The following GCNT1 variants were observed in gnomAD, a reference collection of about 807,000 sequenced individuals.
GCNT1 encodes beta-1,3-galactosyl-O-glycosyl-glycoprotein beta-1,6-N-acetylglucosaminyltransferase.
A neutral mutation model predicts 26.2 loss-of-function variants in GCNT1; 16 were observed. The observed-to-expected ratio is 0.61, with a 90% CI of 0.41 to 0.93. The LOEUF (loss-of-function observed/expected upper bound fraction) is 0.93. Ranked by LOEUF, GCNT1 falls within the 40% of genes least tolerant of loss-of-function variation. The probability of loss-of-function intolerance (pLI) is 0.00; values close to 1 mark genes in which losing one functional copy is unlikely to be tolerated. For missense variants in GCNT1, 477 were observed against 526.7 expected (o/e 0.91, Z 0.92); for synonymous variants, 183 against 190.8 (o/e 0.96, Z 0.34).
At chr9:76,485,222 G>A (rs1033463193) in intron 2 of GCNT1, among the ~76,000 whole-genome samples, 3 of 152,002 alleles carry the variant, frequency 2.0e-5, no homozygotes, top group African/African-American at 7.3e-5. Context: ...ACCCAGGCTG[G>A]AGTGCAGTGG....
At chr9:76,498,702 G>A (rs1470290071) in intron 2 of GCNT1, among the ~76,000 whole-genome samples, 1 of 150,910 alleles carries the variant, frequency 6.6e-6, no homozygotes, top group Non-Finnish European at 1.5e-5. Flanking sequence ...GAACCCGGGA[G>A]CCAGAGGTTG....
intron 2 of GCNT1, among the ~76,000 whole-genome samples, chr9:76,480,307 C>CT (rs1376195998): frequency 6.6e-6 from 1 of 151,978 alleles, no homozygotes; most frequent in Non-Finnish European, 1.5e-5. Flanking sequence ...CAGCTTTGTT[C>CT]TTTTGGCTTA....
chr9:76,403,200 C>A, the GCNT1 span, among the ~76,000 whole-genome samples: 1 of 152,142 alleles, frequency 6.6e-6, no homozygotes, highest in Non-Finnish European at 1.5e-5. Context: ...GGTATTCCTT[C>A]CTTCATCCAT....
chr9:76,498,456 A>G (rs1824967813), intron 2 of GCNT1, among the ~76,000 whole-genome samples: 1 of 152,108 alleles, frequency 6.6e-6, no homozygotes, highest in South Asian at 2.1e-4. Flanking sequence ...TGATGGTTCC[A>G]ATTTGTCCAC....
At position 76,481,193 on chromosome 9, in the gene GCNT1, A is replaced by G. The variant is rs557751998; in HGVS notation, c.-289-19723A>G. On this transcript the variant is annotated intron_variant, in intron 2 of 3. Coordinates refer to ENST00000376730, the MANE Select transcript of GCNT1 (RefSeq NM_001490.5). ...TGCACTCCAGCCTGGGCAACAGAGC[A>G]AGACTCCGTCTCAAAATAAATAAAT... is the stretch of plus-strand genomic sequence containing the variant. Among the ~76,000 whole-genome samples, 3 of 152,238 alleles carry G rather than the reference A, an allele frequency of 2.0e-5. No individual in the cohort carries two copies. In the East Asian group the frequency reaches 5.8e-4, roughly 29 times the overall value.
chr9:76,503,375 G>C lies in GCNT1; in HGVS notation c.994G>C (p.Val332Leu). ...LWATIQRIPEVPGSLPASHKY... is the reference protein window; with the variant it reads ...LWATIQRIPELPGSLPASHKY... ...GGCCACCATCCAAAGGATTCCTGAA[G>C]TCCCGGGCTCACTCCCTGCCAGCCA... The change falls in exon 4 of 4, where the codon GTC becomes CTC. Residue 332 changes from valine (V) to leucine (L), a missense_variant. Physicochemically the swap from Val to Leu is conservative, Grantham distance 32. Coordinates refer to ENST00000376730, the MANE Select transcript of GCNT1 (RefSeq NM_001490.5). 6.2e-7 allele frequency: 1 copy of C among 1,614,114 alleles called. No homozygotes were observed. The highest frequency in any genetic ancestry group is 8.5e-7 in the Non-Finnish European group (1 of 1,180,022).
chr9:76,402,219 G>C, the GCNT1 span, among the ~76,000 whole-genome samples: 146 of 152,184 alleles, frequency 9.6e-4, no homozygotes, highest in African/African-American at 3.2e-3. Flanking sequence ...CTTGCTCTTA[G>C]CTTAAAAATT....
intron 2 of GCNT1, among the ~76,000 whole-genome samples, chr9:76,492,784 C>A (rs1038143964): frequency 2.6e-5 from 4 of 151,906 alleles, no homozygotes; most frequent in Non-Finnish European, 5.9e-5. Context: ...ATTTTCTGTC[C>A]TCTCTAAACC....
chr9:76,394,098 A>G, the GCNT1 span: 1 of 1,606,242 alleles, frequency 6.2e-7, no homozygotes, highest in Non-Finnish European at 8.5e-7. Context: ...ACCTGTGGGG[A>G]TGCCCAGCTG....
At chr9:76,501,433 A>G (rs184575584) in intron 3 of GCNT1, among the ~76,000 whole-genome samples, 3 of 152,322 alleles carry the variant, frequency 2.0e-5, no homozygotes. Context: ...ATTTGTATAC[A>G]CTATTGTTTT....
the GCNT1 span, chr9:76,394,160 C>T: frequency 2.5e-6 from 4 of 1,605,958 alleles, no homozygotes; most frequent in South Asian, 4.5e-5. Context: ...AGAAGTAAGG[C>T]AGGTGCCTCA....
At chr9:76,486,570 G>T (rs905228356) in intron 2 of GCNT1, among the ~76,000 whole-genome samples, 3 of 152,192 alleles carry the variant, frequency 2.0e-5, no homozygotes, top group African/African-American at 7.2e-5. Flanking sequence ...AGCTTCCTGA[G>T]ATCTCCAAGT....
intron 2 of GCNT1, among the ~76,000 whole-genome samples, chr9:76,485,082 C>T (rs186759781): frequency 2.6e-5 from 4 of 152,018 alleles, no homozygotes; most frequent in South Asian, 2.1e-4. Flanking sequence ...CCGCCGCGCC[C>T]GACCATGATT....
chr9:76,431,983 C>G (rs1325685177), intron 1 of GCNT1, among the ~76,000 whole-genome samples: 1 of 152,116 alleles, frequency 6.6e-6, no homozygotes, highest in Non-Finnish European at 1.5e-5. Context: ...GTCATGGGCA[C>G]CCATAATCCC....
At chr9:76,458,335 A>G (rs1261652573), upstream of GCNT1, among the ~76,000 whole-genome samples, 3 of 151,798 alleles carry the variant, frequency 2.0e-5, no homozygotes, top group East Asian at 5.8e-4. Flanking sequence ...GGCGCCCGCC[A>G]CCACGCCTGG....
At chr9:76,407,154 ATT>A in the GCNT1 span, among the ~76,000 whole-genome samples, 5 of 148,218 alleles carry the variant, frequency 3.4e-5, no homozygotes, top group Non-Finnish European at 4.5e-5. Flanking sequence ...TTTTGAGTTA[ATT>A]TTTTTTTTTT....
intron 1 of GCNT1, among the ~76,000 whole-genome samples, chr9:76,428,726 G>A (rs1375494229): frequency 7.0e-6 from 1 of 142,856 alleles, no homozygotes; most frequent in Admixed American, 7.1e-5. Context: ...TTGAGACAGA[G>A]TTTCGCTCTT....
chr9:76,461,398 C>T (rs1198721271), intron 2 of GCNT1, among the ~76,000 whole-genome samples: 2 of 151,804 alleles, frequency 1.3e-5, no homozygotes, highest in Non-Finnish European at 2.9e-5. Flanking sequence ...CAAGACCAGC[C>T]TGGCCAAGAT....
intron 1 of GCNT1, among the ~76,000 whole-genome samples, chr9:76,435,559 C>T (rs1587409475): frequency 6.6e-6 from 1 of 152,198 alleles, no homozygotes; most frequent in African/African-American, 2.4e-5. Context: ...TGAGGCTTCT[C>T]TTTCTGGTTT....
Sources: allele counts gnomAD v4.1 joint callset (sites outside exome capture counted in the v4.1 genomes callset), GRCh38; gene constraint gnomAD v4.1.1; transcripts MANE v1.5; gene names NCBI Gene and HGNC (gene_info 2026-07-23, HGNC 2026-07-21).